CRADD: variants seen among roughly 807,000 people sequenced by gnomAD.
CRADD encodes the protein death domain-containing protein CRADD.
Under a neutral mutation model 15.5 loss-of-function variants are expected in CRADD, and 9 were observed. The observed-to-expected ratio is 0.58, with a 90% CI of 0.35 to 1.01. The LOEUF (loss-of-function observed/expected upper bound fraction) is 1.01, where lower values mean the gene tolerates loss of function less well. Among genes scored for constraint, CRADD ranks in the 50% least tolerant of loss-of-function variants. The probability of loss-of-function intolerance (pLI) is 0.02; values close to 1 mark genes in which losing one functional copy is unlikely to be tolerated. For synonymous variants in CRADD, 118 were observed against 107.6 expected, an observed-to-expected ratio of 1.10 and a Z score of -0.60; for missense variants, 227 against 250.3, an observed-to-expected ratio of 0.91 and a Z score of 0.63.
intron 2 of CRADD, among the ~76,000 whole-genome samples, chr12:93,860,672 G>A (rs964539543): frequency 3.3e-5 from 5 of 152,156 alleles, no homozygotes; most frequent in African/African-American, 1.2e-4. Flanking sequence ...CAGTAAAATG[G>A]GAAAACCCTG....
chr12:93,686,091 G>A (rs1047801477), intron 2 of CRADD, among the ~76,000 whole-genome samples: 1 of 151,514 alleles, frequency 6.6e-6, no homozygotes, highest in African/African-American at 2.4e-5. Flanking sequence ...CTTGAGGTCA[G>A]GAGTTTGAGA....
At chr12:93,882,420 CAAA>C (rs564407219) in intron 2 of CRADD, among the ~76,000 whole-genome samples, 3 of 65,670 alleles carry the variant, frequency 4.6e-5, no homozygotes, top group Admixed American at 3.2e-4. Flanking sequence ...GACTCTGTCT[CAAA>C]AAAAAAAAAA....
At chr12:93,831,546 A>C (rs1158170903) in intron 2 of CRADD, among the ~76,000 whole-genome samples, 1 of 152,230 alleles carries the variant, frequency 6.6e-6, no homozygotes, top group Non-Finnish European at 1.5e-5. Flanking sequence ...GTGCAGCTGC[A>C]CGGGGAATGC....
intron 2 of CRADD, among the ~76,000 whole-genome samples, chr12:93,781,127 C>T (rs977715353): frequency 6.6e-6 from 1 of 151,944 alleles, no homozygotes; most frequent in Non-Finnish European, 1.5e-5. Context: ...CTGCTGGGAT[C>T]ATGTCAGAAT....
rs532840134 is a variant in CRADD, at chr12:93,840,720, C to T, written c.299-9250C>T. On this transcript the variant is annotated intron_variant, in intron 2 of 2. Transcript: ENST00000332896. ...TAGCTGGGATTACAGGCATGTGCCA[C>T]CACGCCTGGCTAATTTTGTAATTTT... 2.0e-4 allele frequency among the ~76,000 whole-genome samples: 31 copies of T among 152,232 alleles called. No individual in the cohort carries two copies. The South Asian group carries it at 6.4e-3, about 32-fold the overall frequency.
intron 2 of CRADD, among the ~76,000 whole-genome samples, chr12:93,694,187 C>G (rs1029646090): frequency 5.1e-4 from 77 of 152,228 alleles, no homozygotes; most frequent in African/African-American, 1.8e-3. Flanking sequence ...ATAAATATGA[C>G]ATACCACATT....
chr12:93,873,676 T>A (rs926550482), intron 2 of CRADD, among the ~76,000 whole-genome samples: 5 of 152,156 alleles, frequency 3.3e-5, no homozygotes, highest in Admixed American at 6.5e-5. Flanking sequence ...GATCATATAG[T>A]TTTTACCTTT....
At chr12:93,860,672 G>T (rs964539543) in intron 2 of CRADD, among the ~76,000 whole-genome samples, 1 of 152,156 alleles carries the variant, frequency 6.6e-6, no homozygotes, top group East Asian at 1.9e-4. Context: ...CAGTAAAATG[G>T]GAAAACCCTG....
At chr12:93,718,764 CT>C (rs930413047) in intron 2 of CRADD, among the ~76,000 whole-genome samples, 321 of 143,834 alleles carry the variant, frequency 2.2e-3, no homozygotes, top group Middle Eastern at 3.6e-3. Context: ...AATTTTCTCT[CT>C]TTTTTTTTTT....
chr12:93,774,000 ATT>A (rs112039885), intron 2 of CRADD, among the ~76,000 whole-genome samples: 5 of 131,812 alleles, frequency 3.8e-5, no homozygotes, highest in Non-Finnish European at 1.6e-5. Flanking sequence ...CACCTGGCTA[ATT>A]TTTTTTTTTT....
chr12:93,753,473 G>T (rs896966523), intron 2 of CRADD, among the ~76,000 whole-genome samples: 1 of 152,152 alleles, frequency 6.6e-6, no homozygotes, highest in African/African-American at 2.4e-5. Flanking sequence ...AAAGTCCACA[G>T]TCCAAAGTCT....
At chr12:93,872,504 C>T (rs1267376324) in intron 2 of CRADD, among the ~76,000 whole-genome samples, 1 of 152,008 alleles carries the variant, frequency 6.6e-6, no homozygotes, top group African/African-American at 2.4e-5. Flanking sequence ...GAGATTTTCG[C>T]CAATGTTTTC....
At chr12:93,728,488 T>C (rs945011502) in intron 2 of CRADD, among the ~76,000 whole-genome samples, 3 of 152,204 alleles carry the variant, frequency 2.0e-5, no homozygotes, top group African/African-American at 7.2e-5. Flanking sequence ...TTTAATACAG[T>C]TCCAGCATAA....
intron 2 of CRADD, among the ~76,000 whole-genome samples, chr12:93,763,061 A>G (rs1463072668): frequency 1.3e-5 from 2 of 152,204 alleles, no homozygotes; most frequent in South Asian, 4.1e-4. Context: ...GTGCTATACT[A>G]TGCTAGAACT....
At chr12:93,803,486 A>G (rs1344588866) in intron 2 of CRADD, among the ~76,000 whole-genome samples, 1 of 152,196 alleles carries the variant, frequency 6.6e-6, no homozygotes, top group Non-Finnish European at 1.5e-5. Flanking sequence ...AGGCCATCTT[A>G]AATACAGTTT....
At chr12:93,814,398 C>A (rs1285800179) in intron 2 of CRADD, among the ~76,000 whole-genome samples, 9 of 152,094 alleles carry the variant, frequency 5.9e-5, no homozygotes, top group Non-Finnish European at 1.2e-4. Flanking sequence ...TTCATGTTCC[C>A]CCCAGAGTAC....
At chr12:93,804,947 G>A (rs1306666422) in intron 2 of CRADD, among the ~76,000 whole-genome samples, 2 of 152,038 alleles carry the variant, frequency 1.3e-5, no homozygotes, top group Admixed American at 6.6e-5. Flanking sequence ...TACAAAGGGG[G>A]TGAGAACTAA....
intron 2 of CRADD, among the ~76,000 whole-genome samples, chr12:93,887,115 T>C (rs1159943939): frequency 6.6e-6 from 1 of 152,222 alleles, no homozygotes; most frequent in African/African-American, 2.4e-5. Context: ...GCATTTTGAA[T>C]CTGCTAGTTT....
intron 2 of CRADD, among the ~76,000 whole-genome samples, chr12:93,710,891 T>G (rs1442584009): frequency 1.3e-5 from 2 of 152,068 alleles, no homozygotes; most frequent in East Asian, 3.9e-4. Context: ...AAGATAGGTA[T>G]TATTAGTGAA....
Sources: gnomAD v4.1 joint callset for allele counts (sites outside exome capture counted in the v4.1 genomes callset) on GRCh38, gnomAD v4.1.1 for gene constraint, MANE v1.5 for transcripts, NCBI Gene and HGNC (gene_info 2026-07-23, HGNC 2026-07-21) for gene names.